The following PPARD variants were observed in gnomAD, a reference collection of about 807,000 sequenced individuals.
The protein encoded by PPARD is peroxisome proliferator activated receptor delta, also known as peroxisome proliferator-activated receptor delta.
In PPARD, 6 loss-of-function variants were observed where a neutral mutation model predicts 39.5. The observed-to-expected ratio is 0.15, with a 90% CI of 0.08 to 0.30. The LOEUF is 0.30. Ranked by LOEUF, PPARD falls within the 10% of genes least tolerant of loss-of-function variation. The pLI, the probability that PPARD is intolerant of heterozygous loss-of-function variation, is 1.00. For synonymous variants in PPARD, 210 were observed against 231.3 expected, an observed-to-expected ratio of 0.91 and a Z score of 0.83; for missense variants, 397 against 596.8, an observed-to-expected ratio of 0.67 and a Z score of 3.49.
intron 2 of PPARD, among the ~76,000 whole-genome samples, chr6:35,396,236 G>A (rs1400938040): frequency 1.3e-5 from 2 of 149,412 alleles, no homozygotes; most frequent in African/African-American, 4.9e-5. Flanking sequence ...ACAGAGTCTC[G>A]CTCTGTCGCC....
At chr6:35,416,833 T>C (rs930319381) in intron 3 of PPARD, among the ~76,000 whole-genome samples, 12 of 152,232 alleles carry the variant, frequency 7.9e-5, no homozygotes, top group African/African-American at 2.9e-4. Context: ...GCCCCTTACC[T>C]GGCGTTGCTC....
chr6:35,375,420 T>G (rs1274583847), intron 2 of PPARD, among the ~76,000 whole-genome samples: 1 of 152,180 alleles, frequency 6.6e-6, no homozygotes, highest in Non-Finnish European at 1.5e-5. Context: ...TTCGCCATGT[T>G]GGCCAGGCTG....
chr6:35,388,620 G>A (rs2150651999), intron 2 of PPARD, among the ~76,000 whole-genome samples: 1 of 152,270 alleles, frequency 6.6e-6, no homozygotes, highest in Middle Eastern at 3.4e-3. Context: ...GCTGAGGTGG[G>A]ACGATCACTT....
chr6:35,380,476 G>T (rs202230303), intron 2 of PPARD, among the ~76,000 whole-genome samples: 7,070 of 65,578 alleles, frequency 0.11, 82 homozygotes, highest in East Asian at 0.17. Flanking sequence ...TTTTTTGTTT[G>T]TTTTTTTTTT....
At chr6:35,374,313 C>A (rs116218317) in intron 2 of PPARD, among the ~76,000 whole-genome samples, 1 of 142,576 alleles carries the variant, frequency 7.0e-6, no homozygotes, top group African/African-American at 2.9e-5. Context: ...GGCGGTGGGG[C>A]GGGGGGGTTT....
rs770007748 is a variant in PPARD at position 35,421,939 on chromosome 6, A to G, written c.405A>G (p.Ala135=). ...CQYCRFQKCL[A]LGMSHNAIRF... ...ACTGCCGCTTCCAGAAGTGCCTGGC[A>G]CTGGGCATGTCACACAACGGTGAGA... is the stretch of plus-strand genomic sequence containing the variant. The change falls in exon 5 of 8, where the codon GCA becomes GCG. Residue 135 remains alanine (A), a synonymous_variant. Transcript: ENST00000360694. The G allele has an allele frequency of 1.9e-6, 3 of 1,612,986 alleles. No individual in the cohort carries two copies. The East Asian group carries it at 6.7e-5, about 36-fold the overall frequency.
intron 2 of PPARD, among the ~76,000 whole-genome samples, chr6:35,353,431 A>C (rs1761380817): frequency 6.6e-6 from 1 of 152,224 alleles, no homozygotes; most frequent in Non-Finnish European, 1.5e-5. Context: ...ACCCATCCCT[A>C]CCCCATATCC....
intron 3 of PPARD, among the ~76,000 whole-genome samples, chr6:35,416,726 G>A (rs1199821985): frequency 6.6e-6 from 1 of 152,158 alleles, no homozygotes; most frequent in Non-Finnish European, 1.5e-5. Context: ...GAAGAATTCT[G>A]CCATCACCTT....
intron 2 of PPARD, among the ~76,000 whole-genome samples, chr6:35,365,130 C>CCTTTTTTTTTTTTTTT (rs1281072287): frequency 8.3e-6 from 1 of 121,086 alleles, no homozygotes; most frequent in African/African-American, 3.4e-5. Context: ...CTTCCTTATT[C>CCTTTTTTTTTTTTTTT]TTTTTTTTTT....
rs1185609901 is a variant in PPARD at position 35,426,164 on chromosome 6, T to C, written c.*85T>C. ...ACATGACTTTTCCATTGACCAGCCC[T>C]TGAGCACCCGGCCTGGAGCAGCAGA... On this transcript the variant is annotated 3_prime_UTR_variant, in exon 8 of 8. Transcript: ENST00000360694. 1.3e-6 allele frequency: 2 copies of C among 1,529,034 alleles called. No homozygotes were observed. Among genetic ancestry groups the C allele is most frequent in the Non-Finnish European group, 1.8e-6 (2 of 1,140,268 alleles). The allele number at this position is 1,529,034 out of a possible 1,614,324, so 94.7% of individuals were successfully genotyped here.
intron 1 of PPARD, among the ~76,000 whole-genome samples, chr6:35,346,229 C>T (rs1441549362): frequency 2.0e-5 from 3 of 152,168 alleles, no homozygotes; most frequent in African/African-American, 7.2e-5. Flanking sequence ...CTGAGGCCCA[C>T]CTCCCTGAGT....
Position 35,363,080 on chromosome 6 carries a change from C to A in PPARD, c.-102+15930C>A, listed in dbSNP as rs768982791. 6.6e-6 allele frequency among the ~76,000 whole-genome samples: 1 copy of A among 152,170 alleles called. No homozygotes were observed. The highest frequency in any genetic ancestry group is 2.4e-5 in the African/African-American group (1 of 41,436). On this transcript the variant is annotated intron_variant, in intron 2 of 7. Coordinates refer to ENST00000360694, the MANE Select transcript of PPARD (RefSeq NM_006238.5). The surrounding 1 kb of genome is among the most constrained non-coding windows in gnomAD (Gnocchi z 4.5). ...AGTAACTCAGATTCCGTTCCAGAAACGCATCTCAAAGCAAGGGAGAAAATT... is the reference window on the plus strand; with the variant it reads ...AGTAACTCAGATTCCGTTCCAGAAAAGCATCTCAAAGCAAGGGAGAAAATT...
chr6:35,421,733 T>A, intron 4 of PPARD, 87 bp from the exon 5 acceptor site: 1 of 1,421,866 alleles, frequency 7.0e-7, no homozygotes, highest in Non-Finnish European at 9.5e-7. Context: ...GTCAGGAGTG[T>A]TTACACCTTA....
intron 2 of PPARD, among the ~76,000 whole-genome samples, chr6:35,361,076 G>A (rs1761903189): frequency 6.6e-6 from 1 of 152,220 alleles, no homozygotes; most frequent in South Asian, 2.1e-4. Flanking sequence ...AGAGGGGGAT[G>A]AGCTTCCTCC....
rs866011273 is a variant in PPARD, at chr6:35,416,390, A to C, written c.131-3737A>C. Among the ~76,000 whole-genome samples, 320 of 136,096 alleles carry C rather than the reference A, an allele frequency of 2.4e-3. 2 individuals are homozygous for C. Among genetic ancestry groups the C allele is most frequent in the African/African-American group, 6.4e-3 (204 of 32,124 alleles). 89.3% of individuals were successfully genotyped at this position (136,096 alleles called of 152,430 possible). On this transcript the variant is annotated intron_variant, in intron 3 of 7. Coordinates refer to ENST00000360694, the MANE Select transcript of PPARD (RefSeq NM_006238.5). Reference sequence around the variant, plus strand: ...ACTTCATCTCAAAAAAAAAAAAAAAAAAAAAAAAAAAAAAAAAAAACACCT... The same window carrying C: ...ACTTCATCTCAAAAAAAAAAAAAAACAAAAAAAAAAAAAAAAAAAACACCT...
At chr6:35,396,328 C>T (rs1463404505) in intron 2 of PPARD, among the ~76,000 whole-genome samples, 1 of 151,458 alleles carries the variant, frequency 6.6e-6, no homozygotes, top group Admixed American at 6.6e-5. Flanking sequence ...CCTCAGCCTC[C>T]CGAGTAGCTG....
chr6:35,383,606 A>G (rs1581589301), intron 2 of PPARD, among the ~76,000 whole-genome samples: 1 of 122,884 alleles, frequency 8.1e-6, no homozygotes, highest in Admixed American at 7.4e-5. Flanking sequence ...TCCGGCCGCC[A>G]TCACATCTAG....
chr6:35,379,616 C>A (rs1379659726), intron 2 of PPARD, among the ~76,000 whole-genome samples: 2 of 152,252 alleles, frequency 1.3e-5, no homozygotes, highest in East Asian at 3.8e-4. Context: ...AAAGCTGCAA[C>A]CAGTGGTGCC....
At chr6:35,419,191 A>T (rs1347274134) in intron 3 of PPARD, among the ~76,000 whole-genome samples, 3 of 152,106 alleles carry the variant, frequency 2.0e-5, no homozygotes. Context: ...ATTAGAGAAG[A>T]GTGCAGAGGT....
Sources: allele counts gnomAD v4.1 joint callset (sites outside exome capture counted in the v4.1 genomes callset), GRCh38; gene constraint gnomAD v4.1.1; non-coding constraint Gnocchi (gnomAD v3.1); transcripts MANE v1.5; gene names NCBI Gene and HGNC (gene_info 2026-07-23, HGNC 2026-07-21).